The following HEPHL1 variants were observed in gnomAD, a reference collection of about 807,000 sequenced individuals.
HEPHL1 encodes the protein hephaestin like 1.
HEPHL1 carries 123 observed loss-of-function variants against 122.0 expected under a neutral mutation model. The ratio of observed to expected loss-of-function variants is 1.01; its 90% CI spans 0.87 to 1.17. The LOEUF is 1.17. Among genes scored for constraint, HEPHL1 ranks in the 50% most tolerant of loss-of-function variants. The pLI, the probability that HEPHL1 is intolerant of heterozygous loss-of-function variation, is 0.00. For missense variants in HEPHL1, 1,452 were observed against 1,430.5 expected, an observed-to-expected ratio of 1.01 and a Z score of -0.24; for synonymous variants, 527 against 508.9, an observed-to-expected ratio of 1.04 and a Z score of -0.48.
intron 11 of HEPHL1, among the ~76,000 whole-genome samples, chr11:94,087,543 A>G (rs541786273): frequency 6.6e-6 from 1 of 152,168 alleles, no homozygotes; most frequent in Admixed American, 6.5e-5. Context: ...AAACATTTCC[A>G]TGTTCTTCTA....
chr11:94,074,292 G>A (rs1196291761), intron 8 of HEPHL1, among the ~76,000 whole-genome samples: 1 of 152,106 alleles, frequency 6.6e-6, no homozygotes, highest in African/African-American at 2.4e-5. Flanking sequence ...CAAAATGGCT[G>A]CGTGCAGTGG....
Position 94,067,535 on chromosome 11 carries a change from A to G in HEPHL1, c.848A>G (p.Asp283Gly), listed in dbSNP as rs1946044098. The G allele has an allele frequency of 1.2e-6, 2 of 1,613,502 alleles. No homozygotes were observed. Among genetic ancestry groups the G allele is most frequent in the Admixed American group, 1.7e-5 (1 of 59,972 alleles). ...GYLFGNFPEP[D>G]MCVGESVSWH... ...CTCTTCGGAAACTTCCCGGAGCCTGATATGTGTGTTGGAGAATCTGTGTCC... is the reference window on the plus strand; with the variant it reads ...CTCTTCGGAAACTTCCCGGAGCCTGGTATGTGTGTTGGAGAATCTGTGTCC... Residue 283 changes from aspartate to glycine, a missense_variant, in exon 5 of 20, where the codon GAT becomes GGT. By Grantham distance (94) the Asp-to-Gly change is moderately conservative. Coordinates refer to ENST00000315765, the MANE Select transcript of HEPHL1 (RefSeq NM_001098672.2).
rs527412270 is a variant in HEPHL1 at position 94,106,161 on chromosome 11, C to A, written c.3045+31C>A. The A allele has an allele frequency of 8.8e-6, 13 of 1,481,304 alleles. No individual in the cohort carries two copies. The Middle Eastern group carries it at 5.4e-4, about 62-fold the overall frequency. The allele number at this position is 1,481,304 out of a possible 1,614,324, so 91.8% of individuals were successfully genotyped here. On this transcript the variant is annotated intron_variant, in intron 17 of 19. Coordinates refer to ENST00000315765, the MANE Select transcript of HEPHL1 (RefSeq NM_001098672.2). ...TATAAGGAAAGTGCTTTGGGAAAGACGTTTTTGAACTAACAAATTCAATGT... is the reference window on the plus strand; with the variant it reads ...TATAAGGAAAGTGCTTTGGGAAAGAAGTTTTTGAACTAACAAATTCAATGT...
In HEPHL1 at chr11:94,101,276, C is replaced by T; in HGVS notation, c.2516C>T (p.Ala839Val). 6.2e-7 allele frequency: 1 copy of T among 1,613,916 alleles called. No homozygotes were observed. Among genetic ancestry groups the T allele is most frequent in the Non-Finnish European group, 8.5e-7 (1 of 1,179,834 alleles). Residue 839 changes from alanine (A) to valine (V), a missense_variant, in exon 14 of 20, where the codon GCC becomes GTC. Physicochemically the swap from Ala to Val is moderately conservative, Grantham distance 64. Coordinates refer to ENST00000315765, the MANE Select transcript of HEPHL1 (RefSeq NM_001098672.2). ...GCCAGTAGGCCCTACTCCATCTCAG[C>T]CCAGGGTGTGGAGGAGATGGATAGT... is the stretch of plus-strand genomic sequence containing the variant. ...NKASRPYSIS[A>V]QGVEEMDSGK...
chr11:94,046,040 C>A, intron 2 of HEPHL1, 123 bp downstream of exon 2: 1 of 691,760 alleles, frequency 1.4e-6, no homozygotes, highest in Non-Finnish European at 2.3e-6. Context: ...TCTCTGTCTG[C>A]TTCTCCATCC....
At position 94,114,019 on chromosome 11, in the gene HEPHL1, T is replaced by C. The variant is rs565520866; in HGVS notation, c.*2125T>C. Among the ~76,000 whole-genome samples, 1 of 152,346 alleles carries C rather than the reference T, an allele frequency of 6.6e-6. No homozygotes were observed. The highest frequency in any genetic ancestry group is 6.5e-5 in the Admixed American group (1 of 15,304). On this transcript the variant is annotated 3_prime_UTR_variant, in exon 20 of 20. Transcript: ENST00000315765. ...ACACACATATTTCTTCCTATTACAA[T>C]ACACGTGTCCCTGCTCCTAGCAGGA...
intron 2 of HEPHL1, among the ~76,000 whole-genome samples, chr11:94,051,233 T>C (rs944241887): frequency 6.6e-6 from 1 of 152,156 alleles, no homozygotes; most frequent in Non-Finnish European, 1.5e-5. Context: ...TTCAAACTGC[T>C]CTCCCTAGTG....
Position 94,092,019 on chromosome 11 carries a change from C to T in HEPHL1, c.2295-1482C>T, listed in dbSNP as rs568975158. Reference sequence around the variant, plus strand: ...AAATCATAAAAAGGCTTAACATCAACGTTGTTAAATGTATAGCTTAGGATC... The same window carrying T: ...AAATCATAAAAAGGCTTAACATCAATGTTGTTAAATGTATAGCTTAGGATC... On this transcript the variant is annotated intron_variant, in intron 12 of 19. Coordinates refer to ENST00000315765, the MANE Select transcript of HEPHL1 (RefSeq NM_001098672.2). Among the ~76,000 whole-genome samples, 151 of 152,206 alleles carry T rather than the reference C, an allele frequency of 9.9e-4. 1 individual carries two copies. Among genetic ancestry groups the T allele is most frequent in the Non-Finnish European group, 7.1e-4 (48 of 67,998 alleles).
chr11:94,031,633 T>C (rs1490885547), intron 1 of HEPHL1, among the ~76,000 whole-genome samples: 4 of 152,204 alleles, frequency 2.6e-5, no homozygotes, highest in Non-Finnish European at 4.4e-5. Flanking sequence ...AACCTAGTAA[T>C]TGGGGGACAG....
In HEPHL1 at chr11:94,094,003, TATATATATATAA is replaced by T. The variant is rs1342250941; in HGVS notation, c.2434+365_2434+376del. On this transcript the variant is annotated intron_variant, in intron 13 of 19. Coordinates refer to ENST00000315765, the MANE Select transcript of HEPHL1 (RefSeq NM_001098672.2). ...ATATATATATATATATATATATATA[TATATATATATAA>T]AACTTTAAGTTCTAGGGTACATGTG... Among the ~76,000 whole-genome samples, 831 of 115,344 alleles carry T rather than the reference TATATATATATAA, an allele frequency of 7.2e-3. 25 individuals are homozygous for T. Among genetic ancestry groups the T allele is most frequent in the African/African-American group, 0.029 (806 of 27,666 alleles). The allele number at this position is 115,344 out of a possible 152,430, so 75.7% of individuals were successfully genotyped here. A position where few individuals can be genotyped will look rare whatever the true frequency, so the allele number is the denominator to read the frequency against.
intron 12 of HEPHL1, among the ~76,000 whole-genome samples, chr11:94,090,119 T>A (rs1018724953): frequency 2.6e-5 from 4 of 152,024 alleles, no homozygotes; most frequent in Admixed American, 6.5e-5. Context: ...CTTTTTTTTT[T>A]AAGATTTCCC....
At position 94,103,032 on chromosome 11, in the gene HEPHL1, A is replaced by G; in HGVS notation, c.2682+12A>G. 7.2e-7 allele frequency: 1 copy of G among 1,381,932 alleles called. No homozygotes were observed. The highest frequency in any genetic ancestry group is 1.0e-6 in the Non-Finnish European group (1 of 968,996). 85.6% of individuals were successfully genotyped at this position (1,381,932 alleles called of 1,614,324 possible). ...TAAACTTTGTGAAGGTAAGGTGGAG[A>G]AAGCAACCAAAAGGCTTAAAATAAT... On this transcript the variant is annotated intron_variant, in intron 15 of 19. Transcript: ENST00000315765.
At chr11:94,111,397 G>A in intron 18 of HEPHL1, 140 bp from the exon 19 acceptor site, 1 of 731,894 alleles carries the variant, frequency 1.4e-6, no homozygotes, top group South Asian at 1.7e-5. Context: ...ACATGGGAAT[G>A]AAGTAGCACA....
intron 12 of HEPHL1, among the ~76,000 whole-genome samples, chr11:94,091,692 G>A (rs559336927): frequency 6.6e-6 from 1 of 152,306 alleles, no homozygotes; most frequent in African/African-American, 2.4e-5. Flanking sequence ...GAAGCACACA[G>A]CCCTGTCTTG....
chr11:94,079,460 A>G (rs1946151424), intron 9 of HEPHL1, among the ~76,000 whole-genome samples: 2 of 152,186 alleles, frequency 1.3e-5, no homozygotes, highest in African/African-American at 4.8e-5. Context: ...CTAAAGCATC[A>G]TGTAATTAAG....
intron 9 of HEPHL1, among the ~76,000 whole-genome samples, chr11:94,081,030 T>C (rs1057365778): frequency 3.9e-5 from 6 of 152,132 alleles, no homozygotes; most frequent in African/African-American, 1.2e-4. Flanking sequence ...AGCAAAGACA[T>C]GGAATCAACT....
At chr11:94,078,370 G>A (rs747778324) in intron 9 of HEPHL1, among the ~76,000 whole-genome samples, 3 of 148,350 alleles carry the variant, frequency 2.0e-5, no homozygotes, top group Non-Finnish European at 3.0e-5. Flanking sequence ...GCTGCTGTGG[G>A]AGCCTACTAT....
chr11:94,092,301 C>T (rs554286287), intron 12 of HEPHL1, among the ~76,000 whole-genome samples: 145 of 152,228 alleles, frequency 9.5e-4, no homozygotes, highest in African/African-American at 3.4e-3. Flanking sequence ...ACAGTCTATC[C>T]TCGTTATTTG....
At chr11:94,063,803 A>AGG in intron 3 of HEPHL1, 83 bp downstream of exon 3, 1 of 1,148,734 alleles carries the variant, frequency 8.7e-7, no homozygotes, top group Admixed American at 1.8e-5. Context: ...CCTTTGCTCC[A>AGG]CACAGAATGT....
Sources: gnomAD v4.1 joint callset for allele counts (sites outside exome capture counted in the v4.1 genomes callset) on GRCh38, gnomAD v4.1.1 for gene constraint, MANE v1.5 for transcripts, NCBI Gene and HGNC (gene_info 2026-07-23, HGNC 2026-07-21) for gene names.